The following CDK19 variants were observed in gnomAD, a reference collection of about 807,000 sequenced individuals.
CDK19 encodes cyclin dependent kinase 19, also known as cyclin-dependent kinase 19.
A neutral mutation model predicts 68.3 loss-of-function variants in CDK19; 20 were observed. The ratio of observed to expected loss-of-function variants is 0.29; its 90% CI spans 0.21 to 0.43. The LOEUF is 0.43. Among genes scored for constraint, CDK19 ranks in the 20% least tolerant of loss-of-function variants. The probability of loss-of-function intolerance (pLI) is 1.00; values close to 1 mark genes in which losing one functional copy is unlikely to be tolerated. For missense variants in CDK19, 339 were observed against 623.5 expected (o/e 0.54, Z 4.86); for synonymous variants, 221 against 222.8 (o/e 0.99, Z 0.07).
At chr6:110,677,415 A>G (rs1049462608) in intron 2 of CDK19, among the ~76,000 whole-genome samples, 6 of 151,922 alleles carry the variant, frequency 3.9e-5, no homozygotes, top group African/African-American at 7.3e-5. Flanking sequence ...TACAAAAAAA[A>G]ATTAGCTGGG....
chr6:110,640,912 G>A (rs1054961694), intron 4 of CDK19, among the ~76,000 whole-genome samples: 6 of 152,180 alleles, frequency 3.9e-5, no homozygotes, highest in South Asian at 2.1e-4. Flanking sequence ...AGCTGTGAGC[G>A]TGCCATTGCA....
Position 110,746,184 on chromosome 6 carries a change from T to C in CDK19, c.146A>G (p.Tyr49Cys). The change falls in exon 2 of 13, where the codon TAT becomes TGT. Residue 49 changes from tyrosine (Y) to cysteine (C), a missense_variant. Tyr to Cys is a radical substitution (Grantham distance 194, BLOSUM62 -2). Coordinates refer to ENST00000368911, the MANE Select transcript of CDK19 (RefSeq NM_015076.5). ...TGTGCCTTCAATTTGCTTCAATGCATATTCCTTTTCATCTTTTCTGCACAT... is the reference window on the plus strand; with the variant it reads ...TGTGCCTTCAATTTGCTTCAATGCACATTCCTTTTCATCTTTTCTGCACAT... ...RRKDGKDEKEYALKQIEGTGI... is the reference protein window; with the variant it reads ...RRKDGKDEKECALKQIEGTGI... 6.2e-7 allele frequency: 1 copy of C among 1,601,328 alleles called. No homozygotes were observed. The highest frequency in any genetic ancestry group is 1.7e-5 in the Admixed American group (1 of 57,994).
intron 2 of CDK19, among the ~76,000 whole-genome samples, chr6:110,719,467 T>G (rs1209180766): frequency 6.6e-6 from 1 of 152,078 alleles, no homozygotes; most frequent in East Asian, 1.9e-4. Context: ...GAAGCTGCAG[T>G]AAGCCATGAT....
intron 1 of CDK19, 170 bp downstream of exon 1, chr6:110,814,839 G>T: frequency 4.7e-6 from 4 of 845,594 alleles, no homozygotes; most frequent in South Asian, 1.5e-5. Flanking sequence ...CCGCGCGGGG[G>T]AGGCGGGCGG....
At chr6:110,745,175 C>T (rs954854416) in intron 2 of CDK19, among the ~76,000 whole-genome samples, 2 of 152,028 alleles carry the variant, frequency 1.3e-5, no homozygotes, top group African/African-American at 4.8e-5. Context: ...TTAGTTTTGC[C>T]TCTGTTTTCT....
intron 2 of CDK19, among the ~76,000 whole-genome samples, chr6:110,682,717 A>G (rs762912235): frequency 2.0e-5 from 3 of 152,222 alleles, no homozygotes; most frequent in Non-Finnish European, 4.4e-5. Context: ...TGCAAAAAAT[A>G]TAGGTTTTAG....
At chr6:110,676,533 C>A (rs1219793703) in intron 2 of CDK19, among the ~76,000 whole-genome samples, 2 of 152,106 alleles carry the variant, frequency 1.3e-5, no homozygotes, top group African/African-American at 2.4e-5. Context: ...ATTGATGCAG[C>A]AAACTGTATT....
chr6:110,618,137 T>A (rs370293720), intron 12 of CDK19, among the ~76,000 whole-genome samples: 13 of 152,086 alleles, frequency 8.5e-5, no homozygotes, highest in African/African-American at 3.1e-4. Flanking sequence ...GACTCTCTAT[T>A]CATTTATTTT....
chr6:110,703,958 ACCTATG>A, intron 2 of CDK19, among the ~76,000 whole-genome samples: 1 of 152,236 alleles, frequency 6.6e-6, no homozygotes, highest in South Asian at 2.1e-4. Flanking sequence ...TAGAGTGTTT[ACCTATG>A]AAGAGGTCAC....
At chr6:110,755,778 G>A (rs1267954031) in intron 1 of CDK19, among the ~76,000 whole-genome samples, 3 of 152,160 alleles carry the variant, frequency 2.0e-5, no homozygotes, top group Admixed American at 1.3e-4. Flanking sequence ...AGGTTTTCCA[G>A]CAAGAGAAAC....
chr6:110,771,358 C>A (rs1780005839), intron 1 of CDK19, among the ~76,000 whole-genome samples: 1 of 152,204 alleles, frequency 6.6e-6, no homozygotes. Flanking sequence ...TGGAACCTGC[C>A]AAGGCTTGGG....
chr6:110,794,648 C>A (rs1214196042), intron 1 of CDK19, among the ~76,000 whole-genome samples: 1 of 151,842 alleles, frequency 6.6e-6, no homozygotes, highest in Non-Finnish European at 1.5e-5. Flanking sequence ...CGTGATCCAC[C>A]CGCCTCAGCC....
intron 4 of CDK19, among the ~76,000 whole-genome samples, chr6:110,644,694 C>A (rs1008469386): frequency 1.3e-5 from 2 of 152,076 alleles, no homozygotes; most frequent in Non-Finnish European, 2.9e-5. Flanking sequence ...CTTCTTGCCC[C>A]CGACCATGGA....
chr6:110,661,495 T>C (rs1352860594), intron 4 of CDK19, among the ~76,000 whole-genome samples: 2 of 152,174 alleles, frequency 1.3e-5, no homozygotes, highest in African/African-American at 2.4e-5. Flanking sequence ...GACAGGTGTA[T>C]AGTGGCTATT....
chr6:110,625,391 G>A (rs1354141903), intron 8 of CDK19, among the ~76,000 whole-genome samples: 2 of 151,896 alleles, frequency 1.3e-5, no homozygotes, highest in African/African-American at 2.4e-5. Flanking sequence ...AAACTCCTGG[G>A]CTCAAGAGAT....
intron 4 of CDK19, among the ~76,000 whole-genome samples, chr6:110,662,664 A>G (rs1310268391): frequency 6.6e-6 from 1 of 152,210 alleles, no homozygotes; most frequent in Non-Finnish European, 1.5e-5. Context: ...GAGATAAACT[A>G]TATCTTGGCA....
chr6:110,770,473 A>G (rs538469171), intron 1 of CDK19, among the ~76,000 whole-genome samples: 17 of 152,280 alleles, frequency 1.1e-4, no homozygotes, highest in African/African-American at 4.1e-4. Context: ...CAAGAATAGT[A>G]TGGGGGAAAC....
chr6:110,776,558 T>G (rs2115014640), intron 1 of CDK19, among the ~76,000 whole-genome samples: 1 of 152,284 alleles, frequency 6.6e-6, no homozygotes, highest in East Asian at 1.9e-4. Flanking sequence ...TAGTTAGTTG[T>G]GAAAGCTAAA....
intron 2 of CDK19, among the ~76,000 whole-genome samples, chr6:110,740,251 A>T (rs1331401240): frequency 6.6e-6 from 1 of 152,224 alleles, no homozygotes; most frequent in East Asian, 1.9e-4. Flanking sequence ...TGGTTGAATT[A>T]ATAGCATTTA....
Sources: allele counts gnomAD v4.1 joint callset (sites outside exome capture counted in the v4.1 genomes callset), GRCh38; gene constraint gnomAD v4.1.1; transcripts MANE v1.5; gene names NCBI Gene and HGNC (gene_info 2026-07-23, HGNC 2026-07-21).